Variants in LMO3 observed in about 807,000 individuals in gnomAD.
The protein encoded by LMO3 is LIM domain only 3, also known as LIM domain only protein 3.
A neutral mutation model predicts 15.8 loss-of-function variants in LMO3; 2 were observed. The observed-to-expected ratio is 0.13, with a 90% CI of 0.05 to 0.40. LMO3 has a LOEUF of 0.40. Among genes scored for constraint, LMO3 ranks in the 10% least tolerant of loss-of-function variants. The pLI is 0.99. For missense variants in LMO3, 86 were observed against 182.2 expected, an observed-to-expected ratio of 0.47 and a Z score of 3.04; for synonymous variants, 62 against 63.8, an observed-to-expected ratio of 0.97 and a Z score of 0.13.
chr12:16,587,906 C>T lies in LMO3; in HGVS notation c.206+12749G>A, dbSNP rs910417663. ...AGTCCACAAGCATTGCTACATTTCT[C>T]ATGAAAGAAAACCTTGATTTAATTT... On this transcript the variant is annotated intron_variant, in intron 2 of 3. Coordinates refer to ENST00000537304, the MANE Select transcript of LMO3 (RefSeq NM_018640.5). This position sits in a 1 kb window ranked among gnomAD's most constrained non-coding sequence, Gnocchi z 4.3. 5.3e-5 allele frequency among the ~76,000 whole-genome samples: 8 copies of T among 152,084 alleles called. 1 individual carries two copies. In the South Asian group the frequency reaches 6.2e-4, roughly 12 times the overall value.
chr12:16,555,075 T>C lies in LMO3; in HGVS notation c.333-3748A>G, dbSNP rs916017774. 8.5e-5 allele frequency among the ~76,000 whole-genome samples: 13 copies of C among 152,244 alleles called. No homozygotes were observed. The highest frequency in any genetic ancestry group is 3.1e-4 in the African/African-American group (13 of 41,470). On this transcript the variant is annotated intron_variant, in intron 3 of 3. Coordinates refer to ENST00000537304, the MANE Select transcript of LMO3 (RefSeq NM_018640.5). This position sits in a 1 kb window ranked among gnomAD's most constrained non-coding sequence, Gnocchi z 5.5. ...CAAATGAAGCTAATAACTACCTATT[T>C]ATGGGATATTTTGAGTATTAAACGA... is the stretch of plus-strand genomic sequence containing the variant.
chr12:16,574,797 G>A (rs2137477905), intron 2 of LMO3, among the ~76,000 whole-genome samples: 1 of 152,240 alleles, frequency 6.6e-6, no homozygotes, highest in African/African-American at 2.4e-5. Context: ...ATTTTGAGAG[G>A]TGGTAGGTGG....
chr12:16,590,605 A>T (rs1314783596), intron 2 of LMO3, among the ~76,000 whole-genome samples: 5 of 142,620 alleles, frequency 3.5e-5, no homozygotes, highest in African/African-American at 1.5e-4. Flanking sequence ...CTAAGAATTA[A>T]AAAAAAAAAT....
chr12:16,566,015 TATATATATATATATATATATATATAA>T (rs1206678767), intron 2 of LMO3, among the ~76,000 whole-genome samples: 1 of 80,590 alleles, frequency 1.2e-5, no homozygotes, highest in East Asian at 4.4e-4. Flanking sequence ...TATATATATA[TATATATATATATATATATATATATAA>T]AATGGAGTAC....
chr12:16,593,909 A>G lies in LMO3; in HGVS notation c.206+6746T>C, dbSNP rs1036063052. On this transcript the variant is annotated intron_variant, in intron 2 of 3. Coordinates refer to ENST00000537304, the MANE Select transcript of LMO3 (RefSeq NM_018640.5). The surrounding 1 kb of genome is among the most constrained non-coding windows in gnomAD (Gnocchi z 4.2). ...ATCAAAACAAGTATATTATCATAGT[A>G]AAAACAGAACTAGAACAGGCAGTAT... Among the ~76,000 whole-genome samples the G allele has an allele frequency of 6.6e-5, 10 of 151,794 alleles. No homozygotes were observed. Among genetic ancestry groups the G allele is most frequent in the Admixed American group, 3.9e-4 (6 of 15,212 alleles).
intron 2 of LMO3, among the ~76,000 whole-genome samples, chr12:16,563,208 A>G (rs1942465231): frequency 6.6e-6 from 1 of 152,154 alleles, no homozygotes; most frequent in East Asian, 1.9e-4. Flanking sequence ...GGAGATGCGG[A>G]AATCTGATCT....
chr12:16,601,605 C>T (rs928007638), intron 1 of LMO3, among the ~76,000 whole-genome samples: 2 of 151,754 alleles, frequency 1.3e-5, no homozygotes, highest in Non-Finnish European at 2.9e-5. Flanking sequence ...ATGATTATAC[C>T]ATTTATTACC....
At chr12:16,605,392 C>T (rs959696357) in intron 1 of LMO3, 4 of 1,199,150 alleles carry the variant, frequency 3.3e-6, no homozygotes, top group Non-Finnish European at 3.1e-6. Context: ...GCACCTTGGT[C>T]CAGGGACCTT....
At chr12:16,551,789 T>C (rs1942000229) in intron 3 of LMO3, among the ~76,000 whole-genome samples, 1 of 152,066 alleles carries the variant, frequency 6.6e-6, no homozygotes, top group Non-Finnish European at 1.5e-5. Context: ...GAAAATAGCC[T>C]ATTTTAAAGC....
At chr12:16,570,874 A>G (rs1262062317) in intron 2 of LMO3, among the ~76,000 whole-genome samples, 1 of 152,136 alleles carries the variant, frequency 6.6e-6, no homozygotes, top group Non-Finnish European at 1.5e-5. Context: ...ATGATCAAAC[A>G]TTTCTTCTAG....
At chr12:16,605,949 C>T (rs1943981528) in intron 1 of LMO3, 117 bp downstream of exon 1, 5 of 864,420 alleles carry the variant, frequency 5.8e-6, no homozygotes, top group Admixed American at 4.6e-5. Context: ...CAGTTTATGC[C>T]TCATTAGCAG....
At chr12:16,562,365 T>C (rs1266811959) in intron 2 of LMO3, among the ~76,000 whole-genome samples, 3 of 152,352 alleles carry the variant, frequency 2.0e-5, no homozygotes, top group African/African-American at 4.8e-5. Context: ...TATACTTGTG[T>C]ATATAACATC....
Position 16,584,238 on chromosome 12 carries a change from T to A in LMO3, c.206+16417A>T, listed in dbSNP as rs141646009. ...TTTTAGTAGTGAGTGGGGAGAGTTA[T>A]GTGTATCTAAGATTGCCAGTTTCTC... On this transcript the variant is annotated intron_variant, in intron 2 of 3. Coordinates refer to ENST00000537304, the MANE Select transcript of LMO3 (RefSeq NM_018640.5). The surrounding 1 kb of genome is among the most constrained non-coding windows in gnomAD (Gnocchi z 5.2). Among the ~76,000 whole-genome samples, 229 of 152,260 alleles carry A rather than the reference T, an allele frequency of 1.5e-3. No individual in the cohort carries two copies. Among genetic ancestry groups the A allele is most frequent in the African/African-American group, 5.0e-3 (206 of 41,560 alleles).
At chr12:16,561,960 A>G (rs373128545) in intron 2 of LMO3, among the ~76,000 whole-genome samples, 1 of 152,230 alleles carries the variant, frequency 6.6e-6, no homozygotes, top group Non-Finnish European at 1.5e-5. Flanking sequence ...TAATTGTTAG[A>G]CACTTATTTT....
intron 3 of LMO3, among the ~76,000 whole-genome samples, chr12:16,556,959 T>C (rs1301508757): frequency 1.3e-5 from 2 of 152,164 alleles, no homozygotes; most frequent in Non-Finnish European, 2.9e-5. Context: ...ATAATGATAC[T>C]AGAATAGTAT....
intron 2 of LMO3, among the ~76,000 whole-genome samples, chr12:16,581,031 A>C (rs1048953767): frequency 6.6e-6 from 1 of 152,198 alleles, no homozygotes; most frequent in Admixed American, 6.5e-5. Context: ...GCCACTAACA[A>C]ATTTTTTTCT....
chr12:16,566,550 A>G (rs1405283749), intron 2 of LMO3, among the ~76,000 whole-genome samples: 1 of 152,140 alleles, frequency 6.6e-6, no homozygotes, highest in African/African-American at 2.4e-5. Context: ...GGTGCTAATT[A>G]AAAAAAGAAA....
rs1943000174 is a variant in LMO3 at position 16,576,504 on chromosome 12, A to C, written c.207-15966T>G. 6.6e-6 allele frequency among the ~76,000 whole-genome samples: 1 copy of C among 152,224 alleles called. No homozygotes were observed. Among genetic ancestry groups the C allele is most frequent in the African/African-American group, 2.4e-5 (1 of 41,448 alleles). The stretch of plus-strand genomic sequence containing the variant: ...GAAGCCTCTCTGATTTCCTTGAGGC[A>C]GAATAAATAACACACTTCTTTAGAC... On this transcript the variant is annotated intron_variant, in intron 2 of 3. Coordinates refer to ENST00000537304, the MANE Select transcript of LMO3 (RefSeq NM_018640.5). This position sits in a 1 kb window ranked among gnomAD's most constrained non-coding sequence, Gnocchi z 4.1.
In LMO3 at chr12:16,550,263, A is replaced by G. The variant is rs1484035080; in HGVS notation, c.*959T>C. The G allele has an allele frequency of 6.6e-6, 1 of 152,404 alleles. No homozygotes were observed. Among genetic ancestry groups the G allele is most frequent in the Non-Finnish European group, 1.5e-5 (1 of 67,908 alleles). The allele number at this position is 152,404 out of a possible 1,614,324, so 9.4% of individuals were successfully genotyped here. A position where few individuals can be genotyped will look rare whatever the true frequency, so the allele number is the denominator to read the frequency against. ...TATGAAACCCTCAGCTCTTGTGGAG[A>G]GATCTGGGCAGAATTTATACAAGAA... On this transcript the variant is annotated 3_prime_UTR_variant, in exon 4 of 4. Coordinates refer to ENST00000537304, the MANE Select transcript of LMO3 (RefSeq NM_018640.5).
Sources: allele counts gnomAD v4.1 joint callset (sites outside exome capture counted in the v4.1 genomes callset), GRCh38; gene constraint gnomAD v4.1.1; non-coding constraint Gnocchi (gnomAD v3.1); transcripts MANE v1.5; gene names NCBI Gene and HGNC (gene_info 2026-07-23, HGNC 2026-07-21).